Variants in PAPPA2 observed in about 807,000 individuals in gnomAD.
PAPPA2 encodes the protein pappalysin 2, also known as pappalysin-2.
In PAPPA2, 86 loss-of-function variants were observed where a neutral mutation model predicts 176.4. That is an observed-to-expected ratio of 0.49 (90% CI 0.41 to 0.58). PAPPA2 has a LOEUF of 0.58. Ranked by LOEUF, PAPPA2 falls within the 20% of genes least tolerant of loss-of-function variation. PAPPA2 has a pLI of 0.00. For synonymous variants in PAPPA2, 809 were observed against 852.2 expected (o/e 0.95, Z 0.88); for missense variants, 2,073 against 2,256.9 (o/e 0.92, Z 1.65).
At chr1:176,520,873 G>A (rs780599089) in intron 1 of PAPPA2, among the ~76,000 whole-genome samples, 7 of 152,260 alleles carry the variant, frequency 4.6e-5, no homozygotes, top group Admixed American at 2.6e-4. Context: ...TCAGCTACTC[G>A]GGAGACTGAA....
intron 1 of PAPPA2, among the ~76,000 whole-genome samples, chr1:176,536,230 A>G (rs1650059532): frequency 6.6e-6 from 1 of 152,238 alleles, no homozygotes; most frequent in African/African-American, 2.4e-5. Flanking sequence ...TGGAAAGAAT[A>G]ACAAGTTGTG....
At chr1:176,538,596 A>G (rs1650203709) in intron 1 of PAPPA2, among the ~76,000 whole-genome samples, 1 of 151,956 alleles carries the variant, frequency 6.6e-6, no homozygotes, top group African/African-American at 2.4e-5. Context: ...AATGGAACGT[A>G]TAACCTTTCT....
chr1:176,677,590 T>A (rs1178994927), intron 4 of PAPPA2, among the ~76,000 whole-genome samples: 1 of 152,170 alleles, frequency 6.6e-6, no homozygotes, highest in Non-Finnish European at 1.5e-5. Flanking sequence ...AAACATATCT[T>A]TAAAAGCAGA....
intron 2 of PAPPA2, among the ~76,000 whole-genome samples, chr1:176,591,079 ACACATG>A (rs1440585566): frequency 4.0e-5 from 5 of 125,176 alleles, no homozygotes; most frequent in African/African-American, 9.7e-5. Flanking sequence ...ATATAGTCAC[ACACATG>A]CACACACACA....
At chr1:176,728,852 A>G (rs1662000752) in intron 12 of PAPPA2, among the ~76,000 whole-genome samples, 2 of 151,934 alleles carry the variant, frequency 1.3e-5, no homozygotes, top group East Asian at 1.9e-4. Context: ...TTAACCTTAA[A>G]CATAATACTT....
At chr1:176,661,259 G>A (rs958037632) in intron 3 of PAPPA2, among the ~76,000 whole-genome samples, 2 of 152,018 alleles carry the variant, frequency 1.3e-5, no homozygotes, top group African/African-American at 4.8e-5. Flanking sequence ...AGAAACCACT[G>A]TAGCTATTTT....
intron 2 of PAPPA2, among the ~76,000 whole-genome samples, chr1:176,590,739 G>T (rs1653607103): frequency 6.6e-6 from 1 of 152,120 alleles, no homozygotes; most frequent in Non-Finnish European, 1.5e-5. Flanking sequence ...AGATGATACA[G>T]CATGTAAGTG....
At chr1:176,474,724 C>G (rs1415472593) in intron 1 of PAPPA2, among the ~76,000 whole-genome samples, 1 of 152,170 alleles carries the variant, frequency 6.6e-6, no homozygotes, top group East Asian at 1.9e-4. Flanking sequence ...ATTGTCAACT[C>G]TTTAAATTTG....
At chr1:176,477,702 G>A (rs946774805) in intron 1 of PAPPA2, among the ~76,000 whole-genome samples, 15 of 151,986 alleles carry the variant, frequency 9.9e-5, no homozygotes, top group African/African-American at 2.4e-4. Context: ...CCGAGATTGC[G>A]CCACTGCACT....
chr1:176,615,909 T>C (rs1254845593), intron 3 of PAPPA2, among the ~76,000 whole-genome samples: 3 of 152,188 alleles, frequency 2.0e-5, no homozygotes, highest in Non-Finnish European at 4.4e-5. Flanking sequence ...GTGCTGGGTG[T>C]TTTGGCACCT....
At chr1:176,647,795 C>CT (rs1280468602) in intron 3 of PAPPA2, among the ~76,000 whole-genome samples, 1 of 151,058 alleles carries the variant, frequency 6.6e-6, no homozygotes, top group Non-Finnish European at 1.5e-5. Flanking sequence ...TTGTTTGTTT[C>CT]TTTGTTTGTT....
Position 176,595,279 on chromosome 1 carries a change from A to G in PAPPA2, c.1675A>G (p.Ser559Gly), listed in dbSNP as rs1203678523. Residue 559 changes from serine to glycine, a missense_variant, in exon 3 of 23, where the codon AGC becomes GGC. Physicochemically the swap from Ser to Gly is moderately conservative, Grantham distance 56 (BLOSUM62 0). This residue lies in a region of PAPPA2 where 1,196 missense variants were observed against 1,330.4 expected (regional missense o/e 0.90). Transcript: ENST00000367662. ...GCACGAGGCACTGAATGAGGCCTTC[A>G]GCCGCTACAACATCAGCTGGCAGCT... ...LQHEALNEAFSRYNISWQLSV... is the reference protein window; with the variant it reads ...LQHEALNEAFGRYNISWQLSV... 3.1e-6 allele frequency: 5 copies of G among 1,614,110 alleles called. No individual in the cohort carries two copies. Among genetic ancestry groups the G allele is most frequent in the South Asian group, 1.1e-5 (1 of 91,086 alleles).
intron 2 of PAPPA2, among the ~76,000 whole-genome samples, chr1:176,564,327 A>G (rs1366944992): frequency 6.6e-6 from 1 of 152,246 alleles, no homozygotes; most frequent in Non-Finnish European, 1.5e-5. Context: ...AAGGACAGAT[A>G]GTAGATAGTT....
intron 12 of PAPPA2, among the ~76,000 whole-genome samples, chr1:176,717,308 C>T (rs2102844125): frequency 6.6e-6 from 1 of 152,258 alleles, no homozygotes; most frequent in South Asian, 2.1e-4. Context: ...TGCTCATTAG[C>T]ATAAAGACAC....
chr1:176,487,491 G>A (rs1441102645), intron 1 of PAPPA2, among the ~76,000 whole-genome samples: 1 of 152,190 alleles, frequency 6.6e-6, no homozygotes, highest in East Asian at 1.9e-4. Flanking sequence ...AATTTCCAAA[G>A]TAAAAGTCCT....
chr1:176,732,110 A>C (rs1325531016), intron 12 of PAPPA2, among the ~76,000 whole-genome samples: 3 of 152,212 alleles, frequency 2.0e-5, no homozygotes, highest in Non-Finnish European at 2.9e-5. Flanking sequence ...TAGCAAAAAA[A>C]GAAAAAGCCC....
chr1:176,759,456 T>G (rs1184909467), intron 14 of PAPPA2, among the ~76,000 whole-genome samples: 1 of 151,782 alleles, frequency 6.6e-6, no homozygotes, highest in African/African-American at 2.4e-5. Context: ...GGAAATGGAG[T>G]TTTTAATCTT....
At chr1:176,785,291 T>G (rs1418320782) in intron 17 of PAPPA2, among the ~76,000 whole-genome samples, 1 of 151,958 alleles carries the variant, frequency 6.6e-6, no homozygotes, top group African/African-American at 2.4e-5. Flanking sequence ...ATCCATGAAA[T>G]GAACATCAGG....
intron 14 of PAPPA2, among the ~76,000 whole-genome samples, chr1:176,750,631 A>G (rs548036582): frequency 1.7e-4 from 26 of 151,870 alleles, no homozygotes; most frequent in African/African-American, 6.3e-4. Flanking sequence ...CAAAGTGACA[A>G]CAACAACAAC....
Sources: gnomAD v4.1 joint callset for allele counts (sites outside exome capture counted in the v4.1 genomes callset) on GRCh38, gnomAD v4.1.1 for gene constraint, gnomAD v4.1.1 regional missense constraint, MANE v1.5 for transcripts, NCBI Gene and HGNC (gene_info 2026-07-23, HGNC 2026-07-21) for gene names.